PRKN: variants seen among roughly 807,000 people sequenced by gnomAD.
PRKN encodes the protein E3 ubiquitin-protein ligase parkin.
In PRKN, 56 loss-of-function variants were observed where a neutral mutation model predicts 59.5. The ratio of observed to expected loss-of-function variants is 0.94; its 90% CI spans 0.76 to 1.18. The LOEUF (loss-of-function observed/expected upper bound fraction) is 1.18, where lower values mean the gene tolerates loss of function less well. Among genes scored for constraint, PRKN ranks in the 50% most tolerant of loss-of-function variants. PRKN has a pLI of 0.00. For missense variants in PRKN, 657 were observed against 596.4 expected (o/e 1.10, Z -1.06); for synonymous variants, 250 against 222.1 (o/e 1.13, Z -1.12).
intron 2 of PRKN, among the ~76,000 whole-genome samples, chr6:162,394,964 T>TTTGAATGAATAA (rs1787399295): frequency 6.6e-6 from 1 of 152,228 alleles, no homozygotes; most frequent in South Asian, 2.1e-4. Flanking sequence ...AGCCAGGGGT[T>TTTGAATGAATAA]GTCTTATTAT....
chr6:161,769,336 C>T (rs1789564730), intron 7 of PRKN, among the ~76,000 whole-genome samples: 1 of 152,082 alleles, frequency 6.6e-6, no homozygotes, highest in Non-Finnish European at 1.5e-5. Context: ...CCTCTGAGTT[C>T]AGAATTCTCT....
At chr6:161,713,200 C>T (rs536257249) in intron 7 of PRKN, among the ~76,000 whole-genome samples, 10 of 152,268 alleles carry the variant, frequency 6.6e-5, no homozygotes, top group South Asian at 2.1e-4. Context: ...GAACACCAGA[C>T]GAAGAGATGA....
Position 161,503,311 on chromosome 6 carries a change from A to C in PRKN, c.1083+45543T>G, listed in dbSNP as rs1778029966. Among the ~76,000 whole-genome samples, 1 of 152,198 alleles carries C rather than the reference A, an allele frequency of 6.6e-6. No homozygotes were observed. Among genetic ancestry groups the C allele is most frequent in the African/African-American group, 2.4e-5 (1 of 41,450 alleles). Reference sequence around the variant, plus strand: ...TGAAGATTTTAATCTTGTCTGAACAAGTCATAAAAAAGTCTTTTATACAAT... The same window carrying C: ...TGAAGATTTTAATCTTGTCTGAACACGTCATAAAAAAGTCTTTTATACAAT... On this transcript the variant is annotated intron_variant, in intron 9 of 11. Coordinates refer to ENST00000366898, the MANE Select transcript of PRKN (RefSeq NM_004562.3). The surrounding 1 kb of genome is among the most constrained non-coding windows in gnomAD (Gnocchi z 5.1).
In PRKN at chr6:162,056,647, A is replaced by G. The variant is rs1777878707; in HGVS notation, c.535-2473T>C. 6.6e-6 allele frequency among the ~76,000 whole-genome samples: 1 copy of G among 152,192 alleles called. No individual in the cohort carries two copies. Among genetic ancestry groups the G allele is most frequent in the Non-Finnish European group, 1.5e-5 (1 of 68,038 alleles). ...CTTGGCCCTTGGCTGGCATCTGGGA[A>G]TGTGAATTTTGGAAGCGTCCACATC... On this transcript the variant is annotated intron_variant, in intron 4 of 11. Transcript: ENST00000366898. The surrounding 1 kb of genome is among the most constrained non-coding windows in gnomAD (Gnocchi z 4.9).
At chr6:161,932,107 A>G (rs2128241092) in intron 6 of PRKN, among the ~76,000 whole-genome samples, 1 of 152,162 alleles carries the variant, frequency 6.6e-6, no homozygotes, top group South Asian at 2.1e-4. Flanking sequence ...GTTAGATTAA[A>G]ATATTTTTAT....
At chr6:161,516,643 C>T (rs1227565021) in intron 9 of PRKN, among the ~76,000 whole-genome samples, 5 of 151,086 alleles carry the variant, frequency 3.3e-5, no homozygotes, top group Admixed American at 6.6e-5. Context: ...GCCTGGCCAA[C>T]GTGGTAAAAC....
At position 161,946,451 on chromosome 6, in the gene PRKN, C is replaced by CTCTCTCTCTCTCTCTCTCT. The variant is rs1554253070; in HGVS notation, c.734+26850_734+26851insAGAGAGAGAGAGAGAGAGA. Among the ~76,000 whole-genome samples, 81 of 136,652 alleles carry CTCTCTCTCTCTCTCTCTCT rather than the reference C, an allele frequency of 5.9e-4. 1 individual carries two copies. The highest frequency in any genetic ancestry group is 2.0e-3 in the African/African-American group (75 of 37,770). 89.6% of individuals were successfully genotyped at this position (136,652 alleles called of 152,430 possible). On this transcript the variant is annotated intron_variant, in intron 6 of 11. Transcript: ENST00000366898. ...TCTCTCTCTCTCTCTCTCTCTCTCT[C>CTCTCTCTCTCTCTCTCTCT]AATACAAAAGAGACAGCGCTAACCC...
intron 6 of PRKN, among the ~76,000 whole-genome samples, chr6:161,963,691 A>C (rs1355549030): frequency 6.6e-6 from 1 of 152,262 alleles, no homozygotes; most frequent in African/African-American, 2.4e-5. Context: ...TTAGTCTATT[A>C]AATTCAGAAG....
chr6:161,989,330 C>T (rs1450837013), intron 5 of PRKN, among the ~76,000 whole-genome samples: 1 of 152,166 alleles, frequency 6.6e-6, no homozygotes, highest in Non-Finnish European at 1.5e-5. Context: ...AGCTGGTGCC[C>T]ATGCACATCA....
At chr6:162,239,805 G>A (rs550393014) in intron 3 of PRKN, among the ~76,000 whole-genome samples, 3 of 150,148 alleles carry the variant, frequency 2.0e-5, no homozygotes, top group East Asian at 4.0e-4. Flanking sequence ...CAGTGGGCTC[G>A]ACTATTTTTA....
intron 2 of PRKN, chr6:162,270,441 AG>A (rs1562629183): frequency 6.6e-6 from 1 of 152,208 alleles, no homozygotes; most frequent in Non-Finnish European, 1.5e-5. Flanking sequence ...TGGGTGCACC[AG>A]GATCTCACAA....
At chr6:162,037,811 C>G (rs1387558470) in intron 5 of PRKN, among the ~76,000 whole-genome samples, 2 of 151,972 alleles carry the variant, frequency 1.3e-5, no homozygotes, top group Non-Finnish European at 2.9e-5. Context: ...TCCCAAAGTG[C>G]TGGGATTACA....
intron 1 of PRKN, among the ~76,000 whole-genome samples, chr6:162,621,282 T>C (rs932492654): frequency 6.6e-6 from 1 of 152,138 alleles, no homozygotes; most frequent in Non-Finnish European, 1.5e-5. Flanking sequence ...GGAAAGTAAG[T>C]AGCGACTTGA....
At chr6:161,524,176 A>G (rs1039789757) in intron 9 of PRKN, among the ~76,000 whole-genome samples, 3 of 152,148 alleles carry the variant, frequency 2.0e-5, no homozygotes, top group African/African-American at 7.2e-5. Flanking sequence ...TGTTGGAATT[A>G]TTTTAGATCG....
intron 4 of PRKN, among the ~76,000 whole-genome samples, chr6:162,072,495 G>T (rs551659648): frequency 4.6e-5 from 7 of 152,228 alleles, no homozygotes; most frequent in South Asian, 2.1e-4. Context: ...TTGGAATATC[G>T]ATCCCAAACA....
chr6:161,813,175 T>C (rs1368819577), intron 6 of PRKN, among the ~76,000 whole-genome samples: 3 of 152,106 alleles, frequency 2.0e-5, no homozygotes, highest in Non-Finnish European at 2.9e-5. Context: ...AGGAAGACAG[T>C]TGGATTTCCT....
intron 2 of PRKN, among the ~76,000 whole-genome samples, chr6:162,275,991 T>C (rs1228208351): frequency 6.6e-6 from 1 of 152,198 alleles, no homozygotes; most frequent in Non-Finnish European, 1.5e-5. Context: ...CTTTTTGTTC[T>C]AGACCTGTAA....
At chr6:161,944,951 G>A (rs1368763291) in intron 6 of PRKN, among the ~76,000 whole-genome samples, 2 of 152,154 alleles carry the variant, frequency 1.3e-5, no homozygotes, top group African/African-American at 4.8e-5. Context: ...TTATCTGTAG[G>A]AGAGGAGAGA....
At chr6:161,594,396 G>A (rs182631488) in intron 7 of PRKN, among the ~76,000 whole-genome samples, 6 of 152,294 alleles carry the variant, frequency 3.9e-5, no homozygotes, top group Non-Finnish European at 4.4e-5. Flanking sequence ...CAAGATGGGA[G>A]AAGACATCAA....
Sources: allele counts gnomAD v4.1 joint callset (sites outside exome capture counted in the v4.1 genomes callset), GRCh38; gene constraint gnomAD v4.1.1; non-coding constraint Gnocchi (gnomAD v3.1); transcripts MANE v1.5; gene names NCBI Gene and HGNC (gene_info 2026-07-23, HGNC 2026-07-21).